NPIPB2: variants seen among roughly 807,000 people sequenced by gnomAD.
NPIPB2 encodes the protein nuclear pore complex interacting protein family member B2.
NPIPB2 carries 27 observed loss-of-function variants against 30.8 expected under a neutral mutation model. That is an observed-to-expected ratio of 0.88 (90% CI 0.65 to 1.21). The LOEUF is 1.21. NPIPB2 is among the 50% of genes most tolerant of loss of function. The pLI is 0.00. For synonymous variants in NPIPB2, 147 were observed against 162.0 expected, an observed-to-expected ratio of 0.91 and a Z score of 0.70; for missense variants, 440 against 446.2, an observed-to-expected ratio of 0.99 and a Z score of 0.13.
chr16:11,969,303 A>G (rs2055219763), intron 1 of NPIPB2, among the ~76,000 whole-genome samples: 1 of 151,612 alleles, frequency 6.6e-6, no homozygotes, highest in Non-Finnish European at 1.5e-5. Flanking sequence ...TGTCGTTGAC[A>G]CGGGAGTGCA....
At chr16:11,946,946 C>G (rs1237434167), upstream of NPIPB2, among the ~76,000 whole-genome samples, 2 of 151,140 alleles carry the variant, frequency 1.3e-5, no homozygotes, top group African/African-American at 4.9e-5. Flanking sequence ...TCTCGAACTC[C>G]TGACCTGAGG....
chr16:11,933,608 T>G, exon 4 of NPIPB2: 4 of 1,454,350 alleles, frequency 2.8e-6, no homozygotes, highest in Non-Finnish European at 3.6e-6. Flanking sequence ...GCTCTACCTT[T>G]TGTTTCCACA....
At chr16:11,972,697 A>G (rs1184962186) in intron 1 of NPIPB2, among the ~76,000 whole-genome samples, 1 of 150,188 alleles carries the variant, frequency 6.7e-6, no homozygotes, top group East Asian at 2.0e-4. Flanking sequence ...ACATGGTGAA[A>G]CCCCGTCTCT....
chr16:11,937,800 T>C lies in NPIPB2; in HGVS notation c.64-132A>G. The C allele has an allele frequency of 2.1e-6, 3 of 1,432,164 alleles. No individual in the cohort carries two copies. In the South Asian group the frequency reaches 4.0e-5, roughly 19 times the overall value. The allele number at this position is 1,432,164 out of a possible 1,614,324, so 88.7% of individuals were successfully genotyped here. A position where few individuals can be genotyped will look rare whatever the true frequency, so the allele number is the denominator to read the frequency against. On this transcript the variant is annotated intron_variant, in intron 1 of 7. Coordinates refer to ENST00000399147, the Ensembl canonical transcript of NPIPB2. The stretch of plus-strand genomic sequence containing the variant: ...CATCCCTCAGATATCACCGTGGGAT[T>C]CCACTGTTACAAAAAAGAACAGAAG...
chr16:11,967,312 C>CT (rs779658967), intron 1 of NPIPB2, among the ~76,000 whole-genome samples: 159 of 152,206 alleles, frequency 1.0e-3, no homozygotes, highest in Non-Finnish European at 1.7e-3. Flanking sequence ...CATACTCATT[C>CT]TTTTTTACTG....
chr16:11,946,880 C>A (rs375595275), upstream of NPIPB2, among the ~76,000 whole-genome samples: 2 of 151,568 alleles, frequency 1.3e-5, no homozygotes, highest in South Asian at 2.1e-4. Flanking sequence ...CCACCACACC[C>A]GGCTAATTTT....
At chr16:11,941,669 CT>C (rs1314535069) in intron 1 of NPIPB2, among the ~76,000 whole-genome samples, 1 of 151,622 alleles carries the variant, frequency 6.6e-6, no homozygotes. Flanking sequence ...AACCCTGGGG[CT>C]TTATACTCCC....
At chr16:11,933,589 C>G (rs138738885) in exon 4 of NPIPB2, 2 of 1,577,282 alleles carry the variant, frequency 1.3e-6, no homozygotes, top group East Asian at 4.5e-5. Flanking sequence ...CTTCATCTTA[C>G]GGATTTTAGC....
intron 1 of NPIPB2, among the ~76,000 whole-genome samples, chr16:11,975,443 G>T (rs184544241): frequency 1.8e-4 from 28 of 151,922 alleles, no homozygotes; most frequent in East Asian, 9.8e-4. Context: ...CACCGCGCCC[G>T]GCCAATCCAT....
chr16:11,961,508 A>T (rs1195234118), intron 1 of NPIPB2, among the ~76,000 whole-genome samples: 1 of 152,198 alleles, frequency 6.6e-6, no homozygotes, highest in Non-Finnish European at 1.5e-5. Flanking sequence ...GGCCAGGCGC[A>T]GTGGCTCACG....
At chr16:11,947,233 G>A (rs541219170) in intron 1 of NPIPB2, among the ~76,000 whole-genome samples, 223 of 147,210 alleles carry the variant, frequency 1.5e-3, no homozygotes, top group African/African-American at 5.3e-3. Context: ...GAAGGTGTGA[G>A]CCACCATGCC....
intron 1 of NPIPB2, among the ~76,000 whole-genome samples, chr16:11,963,616 C>G (rs533033616): frequency 8.7e-4 from 133 of 152,234 alleles, no homozygotes; most frequent in African/African-American, 3.2e-3. Context: ...TCTTCCCCAC[C>G]ACTTACCTCA....
intron 1 of NPIPB2, among the ~76,000 whole-genome samples, chr16:11,955,100 C>T (rs1022140728): frequency 3.3e-5 from 5 of 151,572 alleles, no homozygotes; most frequent in Middle Eastern, 3.4e-3. Flanking sequence ...TTAGGCTGGG[C>T]GCGGTGGCTC....
chr16:11,934,486 A>C (rs1438658857), intron 2 of NPIPB2, among the ~76,000 whole-genome samples: 4 of 147,504 alleles, frequency 2.7e-5, no homozygotes, highest in African/African-American at 1.0e-4. Context: ...CCAGCAGGAA[A>C]AGGTTGTGGT....
At chr16:11,950,340 TA>T (rs1410948889) in intron 1 of NPIPB2, among the ~76,000 whole-genome samples, 1 of 152,016 alleles carries the variant, frequency 6.6e-6, no homozygotes. Context: ...CTAGCCTAAT[TA>T]ATTTTTTTCT....
At chr16:11,927,431 G>T (rs118142732) in exon 8 of NPIPB2, 1 of 1,190,142 alleles carries the variant, frequency 8.4e-7, no homozygotes, top group African/African-American at 1.5e-5. Context: ...CTTGGGCTCG[G>T]GTGATGATGG....
chr16:11,953,715 T>A (rs1434118210), intron 1 of NPIPB2, among the ~76,000 whole-genome samples: 15 of 142,722 alleles, frequency 1.1e-4, no homozygotes, highest in African/African-American at 3.6e-4. Flanking sequence ...TACTTTAATT[T>A]TTTTTTTTTT....
chr16:11,938,727 C>T (rs1421437465), intron 1 of NPIPB2, among the ~76,000 whole-genome samples: 1 of 152,064 alleles, frequency 6.6e-6, no homozygotes, highest in Non-Finnish European at 1.5e-5. Context: ...ATGGGTAAGA[C>T]AAGCTAAGTA....
intron 1 of NPIPB2, among the ~76,000 whole-genome samples, chr16:11,960,216 G>C (rs12445244): frequency 0.14 from 21,536 of 152,164 alleles, 1,630 homozygotes; most frequent in South Asian, 0.2. Flanking sequence ...GAATAGATGT[G>C]ATGTCACAGT....
Sources: gnomAD v4.1 joint callset for allele counts (sites outside exome capture counted in the v4.1 genomes callset) on GRCh38, gnomAD v4.1.1 for gene constraint, MANE v1.5 for transcripts, NCBI Gene and HGNC (gene_info 2026-07-23, HGNC 2026-07-21) for gene names.